ZC3H7B: variants seen among roughly 807,000 people sequenced by gnomAD.
The protein encoded by ZC3H7B is zinc finger CCCH-type containing 7B, also known as zinc finger CCCH domain-containing protein 7B.
ZC3H7B carries 35 observed loss-of-function variants against 116.0 expected under a neutral mutation model. The observed-to-expected ratio is 0.30, with a 90% CI of 0.23 to 0.40. ZC3H7B has a LOEUF of 0.40. Among genes scored for constraint, ZC3H7B ranks in the 10% least tolerant of loss-of-function variants. ZC3H7B has a pLI of 1.00. For synonymous variants in ZC3H7B, 502 were observed against 545.6 expected (o/e 0.92, Z 1.11); for missense variants, 1,011 against 1,321.5 (o/e 0.77, Z 3.64).
chr22:41,317,539 C>T (rs978827946), intron 1 of ZC3H7B, among the ~76,000 whole-genome samples: 1 of 152,070 alleles, frequency 6.6e-6, no homozygotes, highest in Non-Finnish European at 1.5e-5. Flanking sequence ...CCTATATTCC[C>T]AGCACTGTGG....
At position 41,322,250 on chromosome 22, in the gene ZC3H7B, C is replaced by T. The variant is rs557072624; in HGVS notation, c.53+1537C>T. 3.9e-4 allele frequency among the ~76,000 whole-genome samples: 59 copies of T among 150,766 alleles called. 1 individual carries two copies. In the East Asian group the frequency reaches 6.4e-3, roughly 16 times the overall value. Reference sequence around the variant, plus strand: ...TTGTCCAGGCTGGAACGCAGTGGTGCGATCTCGGCTCACTGCAACCTCCAC... The same window carrying T: ...TTGTCCAGGCTGGAACGCAGTGGTGTGATCTCGGCTCACTGCAACCTCCAC... On this transcript the variant is annotated intron_variant, in intron 2 of 22. Coordinates refer to ENST00000352645, the MANE Select transcript of ZC3H7B (RefSeq NM_017590.6).
chr22:41,349,710 T>C lies in ZC3H7B; in HGVS notation c.1948+409T>C, dbSNP rs1390689111. ...CCCCATCTCTTCCTCACAGAGCTGCTGCGGGGATTGGAAGGTGTTCTCCAC... is the reference window on the plus strand; with the variant it reads ...CCCCATCTCTTCCTCACAGAGCTGCCGCGGGGATTGGAAGGTGTTCTCCAC... On this transcript the variant is annotated intron_variant, in intron 16 of 22. Coordinates refer to ENST00000352645, the MANE Select transcript of ZC3H7B (RefSeq NM_017590.6). This position sits in a 1 kb window ranked among gnomAD's most constrained non-coding sequence, Gnocchi z 4.9. Among the ~76,000 whole-genome samples, 3 of 152,332 alleles carry C rather than the reference T, an allele frequency of 2.0e-5. No individual in the cohort carries two copies. The highest frequency in any genetic ancestry group is 2.9e-5 in the Non-Finnish European group (2 of 68,026).
chr22:41,325,591 A>G lies in ZC3H7B; in HGVS notation c.81A>G (p.Glu27=). The change falls in exon 3 of 23, where the codon GAA becomes GAG. Residue 27 remains glutamate (E), a synonymous_variant. Coordinates refer to ENST00000352645, the MANE Select transcript of ZC3H7B (RefSeq NM_017590.6). Reference sequence around the variant, plus strand: ...CGACACTACCCCTAAAGCAAGAAGAATATGAGGTGAGTGTCAGCTGCCAGG... The same window carrying G: ...CGACACTACCCCTAAAGCAAGAAGAGTATGAGGTGAGTGTCAGCTGCCAGG... ...IQSTLPLKQE[E]YEAFLLKLVQ... 4 of 1,612,048 alleles carry G rather than the reference A, an allele frequency of 2.5e-6. No individual in the cohort carries two copies. The highest frequency in any genetic ancestry group is 3.4e-6 in the Non-Finnish European group (4 of 1,179,196).
At chr22:41,348,862 T>A (rs1361006542) in intron 15 of ZC3H7B, among the ~76,000 whole-genome samples, 1 of 152,160 alleles carries the variant, frequency 6.6e-6, no homozygotes, top group Non-Finnish European at 1.5e-5. Flanking sequence ...CTGAGGGCGG[T>A]GCCCTTTGCT....
At chr22:41,341,789 C>T (rs1053672297) in intron 11 of ZC3H7B, among the ~76,000 whole-genome samples, 2 of 151,712 alleles carry the variant, frequency 1.3e-5, no homozygotes, top group Admixed American at 6.6e-5. Flanking sequence ...AGGGGCCAGG[C>T]GTGGTGGCTC....
At chr22:41,344,111 C>T (rs1415758822) in intron 13 of ZC3H7B, among the ~76,000 whole-genome samples, 1 of 152,226 alleles carries the variant, frequency 6.6e-6, no homozygotes, top group Non-Finnish European at 1.5e-5. Flanking sequence ...GCGCCTTGGT[C>T]CCGCTGTACG....
Position 41,357,371 on chromosome 22 carries a change from T to G in ZC3H7B, c.2876T>G (p.Leu959Arg). The G allele has an allele frequency of 1.2e-6, 2 of 1,613,330 alleles. No individual in the cohort carries two copies. Among genetic ancestry groups the G allele is most frequent in the Non-Finnish European group, 1.7e-6 (2 of 1,179,962 alleles). The change falls in exon 23 of 23, where the codon CTT (leucine) becomes CGT (arginine). Residue 959 changes from leucine to arginine, a missense_variant. Leu to Arg is a moderately radical substitution (Grantham distance 102). Coordinates refer to ENST00000352645, the MANE Select transcript of ZC3H7B (RefSeq NM_017590.6). The surrounding 1 kb of genome is among the most constrained non-coding windows in gnomAD (Gnocchi z 5.4). Reference sequence around the variant, plus strand: ...TTCCTGCTGCAAGAGGACGGGGACCTTGCCGGTGCCACCCCAGAAGCCCCT... The same window carrying G: ...TTCCTGCTGCAAGAGGACGGGGACCGTGCCGGTGCCACCCCAGAAGCCCCT... ...YNFLLQEDGDLAGATPEAPAA... is the reference protein window; with the variant it reads ...YNFLLQEDGDRAGATPEAPAA...
chr22:41,332,048 C>A, intron 6 of ZC3H7B, 123 bp from the exon 7 acceptor site: 1 of 980,292 alleles, frequency 1.0e-6, no homozygotes, highest in Non-Finnish European at 1.6e-6. Context: ...GGGACAGGGA[C>A]TCTCGGGGGC....
chr22:41,359,795 A>G lies in ZC3H7B; in HGVS notation c.*2366A>G, dbSNP rs1333658242. On this transcript the variant is annotated 3_prime_UTR_variant, in exon 23 of 23. Coordinates refer to ENST00000352645, the MANE Select transcript of ZC3H7B (RefSeq NM_017590.6). ...GACCCTTTTAATGATGAGGGTAACT[A>G]TTTCAGTTGTGAGCCTTCTAGGGCC... 6.7e-6 allele frequency: 1 copy of G among 149,562 alleles called. No individual in the cohort carries two copies. Among genetic ancestry groups the G allele is most frequent in the Non-Finnish European group, 1.5e-5 (1 of 67,878 alleles). 9.3% of individuals were successfully genotyped at this position (149,562 alleles called of 1,614,324 possible). A position where few individuals can be genotyped will look rare whatever the true frequency, so the allele number is the denominator to read the frequency against.
intron 21 of ZC3H7B, 43 bp downstream of exon 21, chr22:41,356,519 G>T (rs762785590): frequency 6.2e-7 from 1 of 1,612,688 alleles, no homozygotes; most frequent in South Asian, 1.1e-5. Context: ...GGTCGGGGCT[G>T]TGGTCTGAGC....
Position 41,357,132 on chromosome 22 carries a change from G to A in ZC3H7B, c.2682-45G>A, listed in dbSNP as rs1450546627. The A allele has an allele frequency of 3.7e-6, 6 of 1,600,792 alleles. No individual in the cohort carries two copies. The African/African-American group carries it at 4.0e-5, about 11-fold the overall frequency. On this transcript the variant is annotated intron_variant, in intron 22 of 22. Transcript: ENST00000352645. The surrounding 1 kb of genome is among the most constrained non-coding windows in gnomAD (Gnocchi z 5.4). Reference sequence around the variant, plus strand: ...CGGCCCCAGATGGACAGCCTGGGGTGGGAAGGGCACAGAGCTCGGGCAGTG... The same window carrying A: ...CGGCCCCAGATGGACAGCCTGGGGTAGGAAGGGCACAGAGCTCGGGCAGTG...
chr22:41,339,334 A>G, intron 9 of ZC3H7B, 143 bp downstream of exon 9: 1 of 1,045,686 alleles, frequency 9.6e-7, no homozygotes, highest in Non-Finnish European at 1.3e-6. Flanking sequence ...TGGTACAGAA[A>G]TGAAGCTGCA....
At chr22:41,319,605 T>G (rs2036229328) in intron 1 of ZC3H7B, among the ~76,000 whole-genome samples, 1 of 146,590 alleles carries the variant, frequency 6.8e-6, no homozygotes, top group African/African-American at 2.5e-5. Flanking sequence ...AAGTGGCCTC[T>G]CAGACTGCTC....
chr22:41,329,333 A>T lies in ZC3H7B; in HGVS notation c.445-690A>T, dbSNP rs1433110611. Among the ~76,000 whole-genome samples, 5 of 141,732 alleles carry T rather than the reference A, an allele frequency of 3.5e-5. No individual in the cohort carries two copies. In the East Asian group the frequency reaches 1.1e-3, roughly 30 times the overall value. 93.0% of individuals were successfully genotyped at this position (141,732 alleles called of 152,430 possible). On this transcript the variant is annotated intron_variant, in intron 5 of 22. Transcript: ENST00000352645. The stretch of plus-strand genomic sequence containing the variant: ...GAGTGCAGCGGCGCAGTCTTGGCTC[A>T]CTGCAACCACTGCCTCCTGAGTTCA...
intron 15 of ZC3H7B, 76 bp downstream of exon 15, chr22:41,348,243 G>A: frequency 1.5e-6 from 2 of 1,346,236 alleles, no homozygotes; most frequent in Non-Finnish European, 2.1e-6. Flanking sequence ...GATGGCTGAG[G>A]AAAGGCTGAA....
chr22:41,335,185 G>A (rs1052954401), intron 7 of ZC3H7B: 1 of 152,230 alleles, frequency 6.6e-6, no homozygotes, highest in Non-Finnish European at 1.5e-5. Flanking sequence ...GCTCTGCAGT[G>A]GAACGTGCTT....
At chr22:41,305,496 T>G (rs2145892436) in intron 1 of ZC3H7B, among the ~76,000 whole-genome samples, 1 of 151,490 alleles carries the variant, frequency 6.6e-6, no homozygotes, top group African/African-American at 2.4e-5. Flanking sequence ...GGCAACAGAG[T>G]GAAACTCTGT....
chr22:41,356,597 C>T (rs755207249), intron 21 of ZC3H7B, 48 bp from the exon 22 acceptor site: 20 of 1,610,740 alleles, frequency 1.2e-5, no homozygotes, highest in African/African-American at 5.3e-5. Flanking sequence ...GTGGGTGGTC[C>T]GGGCAGAGGT....
At position 41,319,221 on chromosome 22, in the gene ZC3H7B, G is replaced by A. The variant is rs778139038; in HGVS notation, c.-6-1434G>A. ...TCGAGACCATCCTGGCTAACACGGTGAAACCCCCTCTCTACTAAAAATACA... is the reference window on the plus strand; with the variant it reads ...TCGAGACCATCCTGGCTAACACGGTAAAACCCCCTCTCTACTAAAAATACA... On this transcript the variant is annotated intron_variant, in intron 1 of 22. Coordinates refer to ENST00000352645, the MANE Select transcript of ZC3H7B (RefSeq NM_017590.6). Among the ~76,000 whole-genome samples, 145 of 152,116 alleles carry A rather than the reference G, an allele frequency of 9.5e-4. 1 individual carries two copies. Among genetic ancestry groups the A allele is most frequent in the Non-Finnish European group, 3.4e-4 (23 of 68,020 alleles).
Sources: gnomAD v4.1 joint callset for allele counts (sites outside exome capture counted in the v4.1 genomes callset) on GRCh38, gnomAD v4.1.1 for gene constraint, Gnocchi (gnomAD v3.1) non-coding constraint, MANE v1.5 for transcripts, NCBI Gene and HGNC (gene_info 2026-07-23, HGNC 2026-07-21) for gene names.